Variants in SMURF2 observed in about 807,000 individuals in gnomAD.
The protein encoded by SMURF2 is E3 ubiquitin-protein ligase SMURF2.
In SMURF2, 48 loss-of-function variants were observed where a neutral mutation model predicts 109.6. The observed-to-expected ratio is 0.44, with a 90% CI of 0.35 to 0.56. SMURF2 has a LOEUF of 0.56. Among genes scored for constraint, SMURF2 ranks in the 20% least tolerant of loss-of-function variants. The pLI, the probability that SMURF2 is intolerant of heterozygous loss-of-function variation, is 0.01. For synonymous variants in SMURF2, 288 were observed against 317.1 expected, an observed-to-expected ratio of 0.91 and a Z score of 0.97; for missense variants, 575 against 909.0, an observed-to-expected ratio of 0.63 and a Z score of 4.72.
rs147965933 is a variant in SMURF2, at chr17:64,650,430, A to G, written c.52+11399T>C. ...TATAACTAAAGGCACAAGCACAGAGAAAATAAGTGATTTGCTTAGATGCAC... is the reference window on the plus strand; with the variant it reads ...TATAACTAAAGGCACAAGCACAGAGGAAATAAGTGATTTGCTTAGATGCAC... On this transcript the variant is annotated intron_variant, in intron 1 of 18. Coordinates refer to ENST00000262435, the MANE Select transcript of SMURF2 (RefSeq NM_022739.4). 9.1e-4 allele frequency among the ~76,000 whole-genome samples: 138 copies of G among 152,168 alleles called. 3 individuals carry two copies. In the East Asian group the frequency reaches 0.021, roughly 23 times the overall value.
chr17:64,572,049 G>A (rs542340165), intron 9 of SMURF2, 93 bp from the exon 10 acceptor site: 1 of 1,069,960 alleles, frequency 9.3e-7, no homozygotes, highest in East Asian at 2.8e-5. Flanking sequence ...CACAAAGTGT[G>A]AGAAAATGTA....
Position 64,636,536 on chromosome 17 carries a change from G to A in SMURF2, c.52+25293C>T, listed in dbSNP as rs1345381531. The stretch of plus-strand genomic sequence containing the variant: ...GAGAATCGCTTGAACCCAGGAGGTG[G>A]AGGTTGAGTGAGACGAGATTGCATG... On this transcript the variant is annotated intron_variant, in intron 1 of 18. Transcript: ENST00000262435. Among the ~76,000 whole-genome samples, 6 of 150,216 alleles carry A rather than the reference G, an allele frequency of 4.0e-5. No homozygotes were observed. In the Admixed American group the frequency reaches 4.0e-4, roughly 10 times the overall value.
chr17:64,636,493 C>T (rs966376529), intron 1 of SMURF2, among the ~76,000 whole-genome samples: 11 of 150,752 alleles, frequency 7.3e-5, no homozygotes, highest in Admixed American at 2.7e-4. Context: ...ATCCCGGCTA[C>T]GCGGGAGGCT....
intron 12 of SMURF2, among the ~76,000 whole-genome samples, chr17:64,559,542 G>A (rs538945565): frequency 8.6e-5 from 13 of 151,664 alleles, no homozygotes; most frequent in Admixed American, 5.2e-4. Context: ...GCAGGGAGCC[G>A]AGATTGCGCC....
chr17:64,545,853 C>T lies in SMURF2; in HGVS notation c.2242G>A (p.Glu748Lys). Residue 748 changes from glutamate (E) to lysine (K), a missense_variant, in exon 19 of 19, where the codon GAA becomes AAA. Transcript: ENST00000262435. ...GGGTAAATCCTTGAAGCTTGTCATT[C>T]CACAGCAAATCCACATGTTTCTTCA... ...AIEETCGFAV[E>K] is the part of the protein sequence containing the mutation. 6.3e-7 allele frequency: 1 copy of T among 1,595,022 alleles called. No homozygotes were observed. The highest frequency in any genetic ancestry group is 8.6e-7 in the Non-Finnish European group (1 of 1,163,136).
intron 10 of SMURF2, among the ~76,000 whole-genome samples, chr17:64,570,290 A>G (rs1555685438): frequency 6.6e-6 from 1 of 152,236 alleles, no homozygotes; most frequent in African/African-American, 2.4e-5. Flanking sequence ...CAACAAATGA[A>G]TAAGACAGAG....
intron 5 of SMURF2, among the ~76,000 whole-genome samples, chr17:64,590,644 T>C (rs536860305): frequency 6.6e-6 from 1 of 152,296 alleles, no homozygotes; most frequent in South Asian, 2.1e-4. Flanking sequence ...AATTTCTCCC[T>C]TTTTCCAGTG....
chr17:64,611,065 G>A (rs1458748789), intron 1 of SMURF2, among the ~76,000 whole-genome samples: 1 of 152,136 alleles, frequency 6.6e-6, no homozygotes, highest in Admixed American at 6.5e-5. Context: ...AGTTCTCTTT[G>A]CCAGATCTTG....
chr17:64,568,044 T>C (rs1290835274), intron 10 of SMURF2, among the ~76,000 whole-genome samples: 3 of 152,088 alleles, frequency 2.0e-5, no homozygotes, highest in East Asian at 1.9e-4. Context: ...TTAGTAGAGA[T>C]GGGGTTTCAC....
rs1970782489 is a variant in SMURF2 at position 64,661,843 on chromosome 17, T to C, written c.38A>G (p.Lys13Arg). 4.1e-6 allele frequency: 5 copies of C among 1,220,296 alleles called. No homozygotes were observed. In the South Asian group the frequency reaches 1.6e-4, roughly 40 times the overall value. The allele number at this position is 1,220,296 out of a possible 1,614,324, so 75.6% of individuals were successfully genotyped here. A position where few individuals can be genotyped will look rare whatever the true frequency, so the allele number is the denominator to read the frequency against. ...NPGGRRNGPV[K>R]LRLTVLCAKN... Reference sequence around the variant, plus strand: ...CCCCCCCTCACCTGTCAGGCGCAGCTTGACGGGCCCGTTCCTCCGGCCTCC... The same window carrying C: ...CCCCCCCTCACCTGTCAGGCGCAGCCTGACGGGCCCGTTCCTCCGGCCTCC... The change falls in exon 1 of 19, where the codon AAG becomes AGG. Residue 13 changes from lysine to arginine, a missense_variant. Coordinates refer to ENST00000262435, the MANE Select transcript of SMURF2 (RefSeq NM_022739.4).
At chr17:64,594,352 T>C (rs542028784) in intron 3 of SMURF2, among the ~76,000 whole-genome samples, 1 of 152,258 alleles carries the variant, frequency 6.6e-6, no homozygotes, top group African/African-American at 2.4e-5. Context: ...TCACCTAGTA[T>C]ACAGAAAAGC....
chr17:64,651,454 C>G (rs1333118874), intron 1 of SMURF2, among the ~76,000 whole-genome samples: 1 of 150,696 alleles, frequency 6.6e-6, no homozygotes, highest in Non-Finnish European at 1.5e-5. Context: ...CGCCTGTAGT[C>G]CCAGCTACTC....
chr17:64,578,144 C>A (rs1395101598), intron 9 of SMURF2, among the ~76,000 whole-genome samples: 3 of 151,876 alleles, frequency 2.0e-5, no homozygotes, highest in African/African-American at 7.3e-5. Flanking sequence ...TGGGGTTTCA[C>A]CATGTTGGCC....
chr17:64,582,183 T>A (rs1162702976), intron 7 of SMURF2, among the ~76,000 whole-genome samples: 3 of 152,144 alleles, frequency 2.0e-5, no homozygotes, highest in African/African-American at 7.2e-5. Flanking sequence ...CTTGGCAACA[T>A]GAGCTAAGCT....
intron 1 of SMURF2, among the ~76,000 whole-genome samples, chr17:64,640,721 C>T (rs1555692493): frequency 1.3e-5 from 2 of 152,024 alleles, no homozygotes; most frequent in Admixed American, 6.6e-5. Context: ...GAGACCAAGA[C>T]CATCCTGGCC....
chr17:64,594,496 A>T (rs1417081027), intron 3 of SMURF2, among the ~76,000 whole-genome samples: 3 of 152,170 alleles, frequency 2.0e-5, no homozygotes, highest in African/African-American at 7.2e-5. Context: ...ATTCCCTTTT[A>T]AAAAATTAAG....
In SMURF2 at chr17:64,551,575, T is replaced by C; in HGVS notation, c.1869+9A>G. 2 of 1,613,472 alleles carry C rather than the reference T, an allele frequency of 1.2e-6. No homozygotes were observed. The highest frequency in any genetic ancestry group is 1.3e-5 in the African/African-American group (1 of 75,048). On this transcript the variant is annotated intron_variant, in intron 16 of 18. Transcript: ENST00000262435. ...TACACTAGTGATGTTATAATACTAATGCACTAACCTCTAACTCCTTCTCAT... is the reference window on the plus strand; with the variant it reads ...TACACTAGTGATGTTATAATACTAACGCACTAACCTCTAACTCCTTCTCAT...
chr17:64,585,936 A>C (rs1328105875), intron 6 of SMURF2, 150 bp downstream of exon 6: 8 of 446,252 alleles, frequency 1.8e-5, no homozygotes, highest in Non-Finnish European at 3.0e-5. Flanking sequence ...TGTCGAGACA[A>C]GATCTTCCAT....
rs1172559434 is a variant in SMURF2, at chr17:64,662,117, A to AGCCGCGGCCGCCCGC, written c.-252_-238dup. Reference sequence around the variant, plus strand: ...GGCCCGGGCCGCACAACAAAGCGGCAGCCGCGGCCGCCCGCGCCGCCTCCG... The same window carrying AGCCGCGGCCGCCCGC: ...GGCCCGGGCCGCACAACAAAGCGGCAGCCGCGGCCGCCCGCGCCGCGGCCGCCCGCGCCGCCTCCG... On this transcript the variant is annotated 5_prime_UTR_variant, in exon 1 of 19. Coordinates refer to ENST00000262435, the MANE Select transcript of SMURF2 (RefSeq NM_022739.4). 7.7e-6 allele frequency: 8 copies of AGCCGCGGCCGCCCGC among 1,042,650 alleles called. No homozygotes were observed. Among genetic ancestry groups the AGCCGCGGCCGCCCGC allele is most frequent in the Non-Finnish European group, 9.2e-6 (8 of 868,356 alleles). The allele number at this position is 1,042,650 out of a possible 1,614,324, so 64.6% of individuals were successfully genotyped here.
Sources: gnomAD v4.1 joint callset for allele counts (sites outside exome capture counted in the v4.1 genomes callset) on GRCh38, gnomAD v4.1.1 for gene constraint, MANE v1.5 for transcripts, NCBI Gene and HGNC (gene_info 2026-07-23, HGNC 2026-07-21) for gene names.